FBXL13: variants seen among roughly 807,000 people sequenced by gnomAD.
FBXL13 encodes F-box and leucine rich repeat protein 13, also known as F-box and leucine-rich repeat protein 13.
FBXL13 carries 67 observed loss-of-function variants against 83.6 expected under a neutral mutation model. The ratio of observed to expected loss-of-function variants is 0.80; its 90% CI spans 0.66 to 0.98. The LOEUF (loss-of-function observed/expected upper bound fraction) is 0.98. Among genes scored for constraint, FBXL13 ranks in the 50% least tolerant of loss-of-function variants. FBXL13 has a pLI of 0.00. For missense variants in FBXL13, 822 were observed against 866.5 expected, an observed-to-expected ratio of 0.95 and a Z score of 0.64; for synonymous variants, 272 against 299.5, an observed-to-expected ratio of 0.91 and a Z score of 0.95.
chr7:103,033,634 T>C (rs1008710654), intron 2 of FBXL13, among the ~76,000 whole-genome samples: 1 of 152,156 alleles, frequency 6.6e-6, no homozygotes, highest in Non-Finnish European at 1.5e-5. Flanking sequence ...GGTGGGTTTG[T>C]GGTCTTGTTG....
chr7:103,071,445 G>A (rs1365782627), intron 1 of FBXL13, among the ~76,000 whole-genome samples: 1 of 151,834 alleles, frequency 6.6e-6, no homozygotes, highest in African/African-American at 2.4e-5. Context: ...GTTCAGTGGT[G>A]CAATCATAGT....
In FBXL13 at chr7:102,933,978, G is replaced by T; in HGVS notation, c.725-2045C>A. On this transcript the variant is annotated intron_variant, in intron 8 of 19. Coordinates refer to ENST00000313221, the Ensembl canonical transcript of FBXL13. ...AAAGCGGCTGAGCTGCGCAAAGCAA[G>T]CCCAGGCAGTGTGAGAAGCCGAGTG... The T allele has an allele frequency of 1.9e-6, 3 of 1,614,138 alleles. No homozygotes were observed. In the South Asian group the frequency reaches 3.3e-5, roughly 18 times the overall value.
intron 19 of FBXL13, among the ~76,000 whole-genome samples, chr7:102,820,138 G>A (rs111265234): frequency 2.6e-5 from 4 of 152,298 alleles, no homozygotes; most frequent in African/African-American, 9.6e-5. Flanking sequence ...AGACAAAGAT[G>A]GAATCGAGGG....
At chr7:102,855,448 T>C (rs888728515) in intron 16 of FBXL13, among the ~76,000 whole-genome samples, 1 of 152,188 alleles carries the variant, frequency 6.6e-6, no homozygotes, top group African/African-American at 2.4e-5. Context: ...ATTTTTTTTA[T>C]GTGTGCTTGT....
chr7:103,058,455 G>C (rs1797545764), intron 1 of FBXL13, among the ~76,000 whole-genome samples: 1 of 152,192 alleles, frequency 6.6e-6, no homozygotes, highest in African/African-American at 2.4e-5. Flanking sequence ...AACAAAAAGG[G>C]CTGAAGCCAT....
chr7:102,930,729 T>C (rs1819012484), intron 9 of FBXL13, among the ~76,000 whole-genome samples: 1 of 152,202 alleles, frequency 6.6e-6, no homozygotes, highest in South Asian at 2.1e-4. Context: ...TCCGTAAGGC[T>C]CAACTTTAAG....
At chr7:103,033,804 C>T (rs373701065) in intron 2 of FBXL13, among the ~76,000 whole-genome samples, 1 of 152,140 alleles carries the variant, frequency 6.6e-6, no homozygotes, top group East Asian at 1.9e-4. Context: ...AATGCTGGCT[C>T]GGGCAGCCTG....
At chr7:103,052,650 C>T (rs1796935036) in intron 2 of FBXL13, among the ~76,000 whole-genome samples, 1 of 152,062 alleles carries the variant, frequency 6.6e-6, no homozygotes, top group African/African-American at 2.4e-5. Context: ...AAGTGGACAC[C>T]TTTTCTATGC....
At chr7:103,064,759 C>A (rs755365220) in intron 1 of FBXL13, among the ~76,000 whole-genome samples, 5 of 152,158 alleles carry the variant, frequency 3.3e-5, no homozygotes, top group Admixed American at 1.3e-4. Flanking sequence ...AAATCTAGAT[C>A]ATAAATAATG....
At chr7:102,896,370 A>T (rs1812250488) in intron 11 of FBXL13, among the ~76,000 whole-genome samples, 1 of 152,200 alleles carries the variant, frequency 6.6e-6, no homozygotes, top group Non-Finnish European at 1.5e-5. Context: ...GATCATGGTA[A>T]CTTGGACTGG....
At chr7:103,003,281 T>G (rs1228136145) in intron 6 of FBXL13, among the ~76,000 whole-genome samples, 2 of 105,394 alleles carry the variant, frequency 1.9e-5, no homozygotes, top group African/African-American at 4.1e-5. Context: ...TTTTGGGGTT[T>G]TTTTTTTTTT....
chr7:102,912,683 C>CA (rs1563079669), intron 11 of FBXL13, among the ~76,000 whole-genome samples: 2 of 126,254 alleles, frequency 1.6e-5, no homozygotes, highest in South Asian at 2.9e-4. Context: ...CCCCCCCCCC[C>CA]CAAAAAAAAA....
intron 16 of FBXL13, among the ~76,000 whole-genome samples, chr7:102,865,083 T>A (rs1807433678): frequency 6.6e-6 from 1 of 152,248 alleles, no homozygotes; most frequent in Non-Finnish European, 1.5e-5. Context: ...AACTTAACAA[T>A]GTGTATGATA....
intron 2 of FBXL13, among the ~76,000 whole-genome samples, chr7:103,036,201 T>C (rs533298013): frequency 1.3e-5 from 2 of 152,242 alleles, no homozygotes; most frequent in Admixed American, 6.5e-5. Flanking sequence ...CCACAGTCCA[T>C]GGAAAAAATT....
intron 6 of FBXL13, among the ~76,000 whole-genome samples, chr7:103,001,343 G>A (rs1282525094): frequency 6.6e-6 from 1 of 152,072 alleles, no homozygotes; most frequent in African/African-American, 2.4e-5. Flanking sequence ...GTATATATCT[G>A]GGTCTTTAAA....
Position 102,984,013 on chromosome 7 carries a change from T to A in FBXL13, c.496-15896A>T, listed in dbSNP as rs114145537. On this transcript the variant is annotated intron_variant, in intron 6 of 19. Coordinates refer to ENST00000313221, the Ensembl canonical transcript of FBXL13. The stretch of plus-strand genomic sequence containing the variant: ...CAACAAGCCAACCTAATTATATTCA[T>A]GTGATTTCCAGAAATGTTTGAGAGT... Among the ~76,000 whole-genome samples, 167 of 152,322 alleles carry A rather than the reference T, an allele frequency of 1.1e-3. 2 individuals carry two copies. Among genetic ancestry groups the A allele is most frequent in the African/African-American group, 3.7e-3 (152 of 41,558 alleles).
intron 8 of FBXL13, among the ~76,000 whole-genome samples, chr7:102,948,472 G>A (rs745468617): frequency 3.3e-5 from 5 of 151,996 alleles, no homozygotes; most frequent in Non-Finnish European, 5.9e-5. Context: ...CGCCCAGGGT[G>A]GAGTGCAGTG....
At chr7:103,030,748 GTT>G (rs1335722795) in intron 2 of FBXL13, among the ~76,000 whole-genome samples, 1 of 152,072 alleles carries the variant, frequency 6.6e-6, no homozygotes, top group Non-Finnish European at 1.5e-5. Context: ...TTGAACTCAA[GTT>G]TTCTTTTCTG....
intron 10 of FBXL13, among the ~76,000 whole-genome samples, chr7:102,922,167 G>A (rs1817172834): frequency 6.6e-6 from 1 of 151,120 alleles, no homozygotes; most frequent in South Asian, 2.1e-4. Context: ...TCCAGCCTGG[G>A]CGACAGAGGA....
Sources: allele counts gnomAD v4.1 joint callset (sites outside exome capture counted in the v4.1 genomes callset), GRCh38; gene constraint gnomAD v4.1.1; transcripts MANE v1.5; gene names NCBI Gene and HGNC (gene_info 2026-07-23, HGNC 2026-07-21).